Variants in PLD1 observed in about 807,000 individuals in gnomAD.
The protein encoded by PLD1 is phospholipase D1.
PLD1 carries 112 observed loss-of-function variants against 137.1 expected under a neutral mutation model. That is an observed-to-expected ratio of 0.82 (90% confidence interval 0.70 to 0.96). The LOEUF is 0.96. Ranked by LOEUF, PLD1 falls within the 40% of genes least tolerant of loss-of-function variation. PLD1 has a pLI of 0.00. For synonymous variants in PLD1, 431 were observed against 454.7 expected, an observed-to-expected ratio of 0.95 and a Z score of 0.66; for missense variants, 1,321 against 1,342.0, an observed-to-expected ratio of 0.98 and a Z score of 0.24.
intron 1 of PLD1, among the ~76,000 whole-genome samples, chr3:171,768,098 C>T (rs1466180024): frequency 6.6e-6 from 1 of 151,984 alleles, no homozygotes; most frequent in Non-Finnish European, 1.5e-5. Context: ...ACTACTACCC[C>T]AGAAATGCTG....
chr3:171,689,104 T>C (rs555646197), intron 13 of PLD1, among the ~76,000 whole-genome samples: 26 of 152,224 alleles, frequency 1.7e-4, no homozygotes, highest in African/African-American at 6.0e-4. Flanking sequence ...ATACTATATT[T>C]TGGGGCAGCC....
chr3:171,613,039 G>A (rs550320420), intron 24 of PLD1, among the ~76,000 whole-genome samples: 9 of 152,048 alleles, frequency 5.9e-5, no homozygotes, highest in African/African-American at 1.7e-4. Context: ...GTGTGGTGAC[G>A]CATGCCTGTA....
At chr3:171,776,962 G>C (rs761463372) in intron 1 of PLD1, among the ~76,000 whole-genome samples, 1 of 151,668 alleles carries the variant, frequency 6.6e-6, no homozygotes, top group Non-Finnish European at 1.5e-5. Flanking sequence ...TTAAATACCT[G>C]ATCAGTTCAC....
chr3:171,747,096 C>G (rs570834592), intron 1 of PLD1, among the ~76,000 whole-genome samples: 2 of 152,220 alleles, frequency 1.3e-5, no homozygotes, highest in East Asian at 3.9e-4. Flanking sequence ...TCTGCAGCTT[C>G]ACTCCTGAGG....
chr3:171,678,112 A>T (rs1257734434), intron 16 of PLD1, among the ~76,000 whole-genome samples: 1 of 152,170 alleles, frequency 6.6e-6, no homozygotes, highest in African/African-American at 2.4e-5. Context: ...GAAACCTGAG[A>T]CGCAGGGGCA....
At chr3:171,698,287 T>G (rs1264842461) in intron 12 of PLD1, among the ~76,000 whole-genome samples, 2 of 152,258 alleles carry the variant, frequency 1.3e-5, no homozygotes, top group Non-Finnish European at 2.9e-5. Flanking sequence ...TATGATGAAT[T>G]ATTTAATAAA....
At chr3:171,789,815 G>A (rs1723148980) in intron 1 of PLD1, 3 of 152,302 alleles carry the variant, frequency 2.0e-5, no homozygotes, top group South Asian at 4.1e-4. Context: ...ATATCAGAAT[G>A]AAGAAATACT....
At chr3:171,646,675 C>CAAAAAA (rs77696811) in intron 21 of PLD1, among the ~76,000 whole-genome samples, 3 of 89,488 alleles carry the variant, frequency 3.4e-5, no homozygotes, top group Non-Finnish European at 5.0e-5. Flanking sequence ...AAAGAACAGA[C>CAAAAAA]AAAAAAAAAA....
intron 1 of PLD1, among the ~76,000 whole-genome samples, chr3:171,772,312 T>C (rs1158636932): frequency 6.6e-6 from 1 of 152,240 alleles, no homozygotes; most frequent in Non-Finnish European, 1.5e-5. Flanking sequence ...TTATTGTTTC[T>C]CCTAAACCAT....
chr3:171,604,432 G>A (rs143796736), intron 26 of PLD1, among the ~76,000 whole-genome samples: 17 of 151,632 alleles, frequency 1.1e-4, no homozygotes, highest in African/African-American at 3.6e-4. Flanking sequence ...GAAAAATTGC[G>A]TATTTTCCCT....
rs762649710 is a variant in PLD1, at chr3:171,620,399, G to C, written c.2715C>G (p.Asn905Lys). 4.4e-6 allele frequency: 7 copies of C among 1,596,262 alleles called. No individual in the cohort carries two copies. In the Admixed American group the frequency reaches 1.2e-4, roughly 27 times the overall value. Residue 905 changes from asparagine to lysine, a missense_variant, in exon 24 of 27, where the codon AAC becomes AAG. Physicochemically the swap from Asn to Lys is moderately conservative, Grantham distance 94. Coordinates refer to ENST00000351298, the MANE Select transcript of PLD1 (RefSeq NM_002662.5). ...TACTGTACTTACCAATAATAACAGT[G>C]TTATCATCAGCAATTAACAACTTGC... ...VHSKLLIADD[N>K]TVIIGSANIN...
chr3:171,614,240 A>T (rs930121346), intron 24 of PLD1, among the ~76,000 whole-genome samples: 6 of 152,190 alleles, frequency 3.9e-5, no homozygotes, highest in African/African-American at 1.2e-4. Context: ...GCTGCTGAAA[A>T]GTGGGAACCT....
chr3:171,769,778 C>G lies in PLD1; in HGVS notation c.-31-31696G>C, dbSNP rs191795070. On this transcript the variant is annotated intron_variant, in intron 1 of 26. Coordinates refer to ENST00000351298, the MANE Select transcript of PLD1 (RefSeq NM_002662.5). ...AGTACCTATTTCTGTCTCCCTTCCC[C>G]CTCAATTTTTTTTAAGCAGAGAAGA... Among the ~76,000 whole-genome samples the G allele has an allele frequency of 4.0e-3, 614 of 152,168 alleles. 2 individuals carry two copies. The highest frequency in any genetic ancestry group is 6.6e-3 in the Non-Finnish European group (452 of 68,000).
At chr3:171,641,632 A>G (rs536669948) in intron 23 of PLD1, among the ~76,000 whole-genome samples, 3 of 152,260 alleles carry the variant, frequency 2.0e-5, no homozygotes, top group South Asian at 4.2e-4. Flanking sequence ...CTCCTGCAGC[A>G]GCTCCATTCT....
At chr3:171,749,969 A>T (rs1720538440) in intron 1 of PLD1, among the ~76,000 whole-genome samples, 1 of 152,252 alleles carries the variant, frequency 6.6e-6, no homozygotes, top group Non-Finnish European at 1.5e-5. Context: ...ACTGGAAAAC[A>T]AAACTAAACT....
At chr3:171,791,671 C>T (rs1194546851) in intron 1 of PLD1, 1 of 152,230 alleles carries the variant, frequency 6.6e-6, no homozygotes, top group Non-Finnish European at 1.5e-5. Context: ...TCTCCTCACA[C>T]TGACTGTAAA....
intron 21 of PLD1, 95 bp downstream of exon 21, chr3:171,659,118 G>T: frequency 1.2e-6 from 1 of 827,454 alleles, no homozygotes. Flanking sequence ...AAGCTGCTAG[G>T]AAATGACAGT....
At chr3:171,740,842 T>G (rs1357228953) in intron 1 of PLD1, among the ~76,000 whole-genome samples, 1 of 152,216 alleles carries the variant, frequency 6.6e-6, no homozygotes, top group East Asian at 1.9e-4. Flanking sequence ...CCCTACCTGG[T>G]AGGTATGATT....
intron 19 of PLD1, among the ~76,000 whole-genome samples, chr3:171,665,146 A>T (rs1299943677): frequency 6.6e-6 from 1 of 152,190 alleles, no homozygotes; most frequent in African/African-American, 2.4e-5. Flanking sequence ...TAAGATACAC[A>T]TGAGGAGAAT....
Sources: allele counts gnomAD v4.1 joint callset (sites outside exome capture counted in the v4.1 genomes callset), GRCh38; gene constraint gnomAD v4.1.1; transcripts MANE v1.5; gene names NCBI Gene and HGNC (gene_info 2026-07-23, HGNC 2026-07-21).